The following VLDLR variants were observed in gnomAD, a reference collection of about 807,000 sequenced individuals.
VLDLR encodes the protein very low-density lipoprotein receptor.
Under a neutral mutation model 112.7 loss-of-function variants are expected in VLDLR, and 81 were observed. The ratio of observed to expected loss-of-function variants is 0.72; its 90% confidence interval spans 0.60 to 0.86. The LOEUF (loss-of-function observed/expected upper bound fraction) is 0.86, where lower values mean the gene tolerates loss of function less well. Ranked by LOEUF, VLDLR falls within the 40% of genes least tolerant of loss-of-function variation. The probability of loss-of-function intolerance (pLI) is 0.00; values close to 1 mark genes in which losing one functional copy is unlikely to be tolerated. For missense variants in VLDLR, 1,237 were observed against 1,099.4 expected, an observed-to-expected ratio of 1.13 and a Z score of -1.77; for synonymous variants, 436 against 384.8, an observed-to-expected ratio of 1.13 and a Z score of -1.56.
chr9:2,646,986 A>T lies in VLDLR; in HGVS notation c.1703+434A>T, dbSNP rs79028231. ...TGCATCTAAGTGTGCAAGTTGTCTG[A>T]AAGTCCAGCAGAAATAAACAGACCT... On this transcript the variant is annotated intron_variant, in intron 11 of 18. Transcript: ENST00000382100. Among the ~76,000 whole-genome samples, 493 of 152,290 alleles carry T rather than the reference A, an allele frequency of 3.2e-3. 2 individuals carry two copies. Among genetic ancestry groups the T allele is most frequent in the Non-Finnish European group, 5.1e-3 (345 of 68,008 alleles).
At chr9:2,634,463 T>G (rs539946705) in intron 1 of VLDLR, among the ~76,000 whole-genome samples, 11 of 152,332 alleles carry the variant, frequency 7.2e-5, no homozygotes, top group African/African-American at 2.6e-4. Context: ...TCTGTGCCTT[T>G]TATCGTGAAG....
intron 1 of VLDLR, 96 bp downstream of exon 1, chr9:2,622,367 A>G (rs971076019): frequency 2.5e-5 from 28 of 1,124,666 alleles, no homozygotes; most frequent in Non-Finnish European, 3.2e-5. Flanking sequence ...CCCGCCTCCT[A>G]GGAGGCGCCT....
In VLDLR at chr9:2,643,977, T is replaced by TCAAGTA; in HGVS notation, c.1066+21_1066+26dup. 6.2e-7 allele frequency: 1 copy of TCAAGTA among 1,613,288 alleles called. No homozygotes were observed. Among genetic ancestry groups the TCAAGTA allele is most frequent in the South Asian group, 1.1e-5 (1 of 91,050 alleles). On this transcript the variant is annotated intron_variant, in intron 7 of 18. Coordinates refer to ENST00000382100, the MANE Select transcript of VLDLR (RefSeq NM_003383.5). ...AGAGTGTCGTAAGTGTACTTGTTGTTCAAGTACAGATCCTGGAAGTTTGAC... is the reference window on the plus strand; with the variant it reads ...AGAGTGTCGTAAGTGTACTTGTTGTTCAAGTACAAGTACAGATCCTGGAAGTTTGAC...
At chr9:2,650,890 G>A (rs1818300087) in intron 15 of VLDLR, among the ~76,000 whole-genome samples, 1 of 152,160 alleles carries the variant, frequency 6.6e-6, no homozygotes, top group Non-Finnish European at 1.5e-5. Context: ...CTCAGTGGGT[G>A]ACGCTACCCT....
chr9:2,649,645 G>A (rs1818231519), intron 14 of VLDLR, among the ~76,000 whole-genome samples: 1 of 152,140 alleles, frequency 6.6e-6, no homozygotes. Context: ...GCCTGCCTCG[G>A]CCTCCTAAAG....
At chr9:2,633,413 C>G (rs1817457308) in intron 1 of VLDLR, among the ~76,000 whole-genome samples, 1 of 152,094 alleles carries the variant, frequency 6.6e-6, no homozygotes, top group Admixed American at 6.5e-5. Context: ...CTCTGAGTGC[C>G]TAGGAAATCT....
chr9:2,623,698 G>A (rs7860109), intron 1 of VLDLR, among the ~76,000 whole-genome samples: 8,656 of 152,186 alleles, frequency 0.057, 771 homozygotes, highest in African/African-American at 0.19. Context: ...CTCTTAAGTG[G>A]GCAGCATGGG....
intron 5 of VLDLR, 47 bp downstream of exon 5, chr9:2,643,578 A>T: frequency 1.2e-6 from 2 of 1,614,182 alleles, no homozygotes; most frequent in South Asian, 1.1e-5. Flanking sequence ...TCCCTGTATC[A>T]ACTGGGACAA....
Position 2,656,574 on chromosome 9 carries a change from G to A in VLDLR, c.*2706G>A, listed in dbSNP as rs575711596. 1 of 152,330 alleles carries A rather than the reference G, an allele frequency of 6.6e-6. No homozygotes were observed. Among genetic ancestry groups the A allele is most frequent in the East Asian group, 1.9e-4 (1 of 5,190 alleles). 9.4% of individuals were successfully genotyped at this position (152,330 alleles called of 1,614,324 possible). A position where few individuals can be genotyped will look rare whatever the true frequency, so the allele number is the denominator to read the frequency against. On this transcript the variant is annotated 3_prime_UTR_variant, in exon 19 of 19. Coordinates refer to ENST00000382100, the MANE Select transcript of VLDLR (RefSeq NM_003383.5). Reference sequence around the variant, plus strand: ...ATAACTTGAATTCTATGTGAAATGTGTTAGGATAAGTTTGCTCTGTCTCTA... The same window carrying A: ...ATAACTTGAATTCTATGTGAAATGTATTAGGATAAGTTTGCTCTGTCTCTA...
At chr9:2,649,532 C>G (rs1468835383) in intron 14 of VLDLR, among the ~76,000 whole-genome samples, 2 of 152,150 alleles carry the variant, frequency 1.3e-5, no homozygotes, top group East Asian at 3.9e-4. Context: ...GCTGGGACTA[C>G]AGGAGTGAGC....
intron 1 of VLDLR, among the ~76,000 whole-genome samples, chr9:2,623,334 G>C (rs1816925946): frequency 6.6e-6 from 1 of 152,228 alleles, no homozygotes; most frequent in Non-Finnish European, 1.5e-5. Context: ...GAATCCTAGC[G>C]CGTCCCCGAA....
chr9:2,648,923 T>C lies in VLDLR; in HGVS notation c.2104+113T>C, dbSNP rs1818191293. On this transcript the variant is annotated intron_variant, in intron 14 of 18. Coordinates refer to ENST00000382100, the MANE Select transcript of VLDLR (RefSeq NM_003383.5). Reference sequence around the variant, plus strand: ...CTCAGTTTTCTTTAAAAGGGAACTTTTGCCCTCCTGTACCCTACCTTAAAC... The same window carrying C: ...CTCAGTTTTCTTTAAAAGGGAACTTCTGCCCTCCTGTACCCTACCTTAAAC... 6.6e-6 allele frequency: 9 copies of C among 1,365,774 alleles called. No homozygotes were observed. In the Middle Eastern group the frequency reaches 1.6e-3, roughly 244 times the overall value. The allele number at this position is 1,365,774 out of a possible 1,614,324, so 84.6% of individuals were successfully genotyped here. A position where few individuals can be genotyped will look rare whatever the true frequency, so the allele number is the denominator to read the frequency against.
At chr9:2,625,619 G>C (rs1344446959) in intron 1 of VLDLR, among the ~76,000 whole-genome samples, 1 of 152,176 alleles carries the variant, frequency 6.6e-6, no homozygotes, top group South Asian at 2.1e-4. Context: ...ACCTGCCTTA[G>C]GGAGCTCCTT....
At chr9:2,631,261 T>C (rs2130769391) in intron 1 of VLDLR, among the ~76,000 whole-genome samples, 1 of 152,282 alleles carries the variant, frequency 6.6e-6, no homozygotes, top group South Asian at 2.1e-4. Flanking sequence ...TATGCAGATT[T>C]CCCAAAAAAC....
intron 1 of VLDLR, among the ~76,000 whole-genome samples, chr9:2,629,472 T>G (rs1184085927): frequency 6.6e-6 from 1 of 152,234 alleles, no homozygotes; most frequent in Non-Finnish European, 1.5e-5. Flanking sequence ...GTTCAACTCC[T>G]AGCTCTGCCC....
intron 14 of VLDLR, among the ~76,000 whole-genome samples, chr9:2,649,377 G>C (rs1292197650): frequency 6.7e-6 from 1 of 150,216 alleles, no homozygotes; most frequent in East Asian, 1.9e-4. Flanking sequence ...CTCGTGTCCA[G>C]CTTTCTTGCT....
rs77096159 is a variant in VLDLR at position 2,653,632 on chromosome 9, C to G, written c.2587-201C>G. Among the ~76,000 whole-genome samples, 1,282 of 152,346 alleles carry G rather than the reference C, an allele frequency of 8.4e-3. 25 individuals carry two copies. The highest frequency in any genetic ancestry group is 0.03 in the African/African-American group (1,233 of 41,572). On this transcript the variant is annotated intron_variant, in intron 18 of 18. Transcript: ENST00000382100. Reference sequence around the variant, plus strand: ...GACAGAATTAGTCACACTATCTTATCTCACTACCAAGCAGGTATAGTTGAA... The same window carrying G: ...GACAGAATTAGTCACACTATCTTATGTCACTACCAAGCAGGTATAGTTGAA...
At position 2,642,885 on chromosome 9, in the gene VLDLR, C is replaced by G. The variant is rs1817887156; in HGVS notation, c.449-275C>G. Among the ~76,000 whole-genome samples, 3 of 152,320 alleles carry G rather than the reference C, an allele frequency of 2.0e-5. No individual in the cohort carries two copies. In the South Asian group the frequency reaches 6.2e-4, roughly 32 times the overall value. On this transcript the variant is annotated intron_variant, in intron 4 of 18. Coordinates refer to ENST00000382100, the MANE Select transcript of VLDLR (RefSeq NM_003383.5). ...TACAGTTTGTTATTTATGATGGCCA[C>G]TTTTAGAATCAATTGTGGTTCTCAT...
intron 14 of VLDLR, among the ~76,000 whole-genome samples, chr9:2,649,443 G>A (rs1366223138): frequency 2.6e-5 from 4 of 152,150 alleles, no homozygotes; most frequent in Non-Finnish European, 5.9e-5. Flanking sequence ...CCAGGCTGGA[G>A]TGCAGTGGCA....
Sources: gnomAD v4.1 joint callset for allele counts (sites outside exome capture counted in the v4.1 genomes callset) on GRCh38, gnomAD v4.1.1 for gene constraint, MANE v1.5 for transcripts, NCBI Gene and HGNC (gene_info 2026-07-23, HGNC 2026-07-21) for gene names.